TGFBI: variants seen among roughly 807,000 people sequenced by gnomAD.
The protein encoded by TGFBI is transforming growth factor-beta-induced protein ig-h3.
In TGFBI, 50 loss-of-function variants were observed where a neutral mutation model predicts 73.7. The ratio of observed to expected loss-of-function variants is 0.68; its 90% CI spans 0.54 to 0.86. TGFBI has a LOEUF of 0.86. TGFBI is among the 40% of genes least tolerant of loss of function. The pLI, the probability that TGFBI is intolerant of heterozygous loss-of-function variation, is 0.00. For synonymous variants in TGFBI, 362 were observed against 360.5 expected, an observed-to-expected ratio of 1.00 and a Z score of -0.05; for missense variants, 839 against 877.0, an observed-to-expected ratio of 0.96 and a Z score of 0.55.
intron 12 of TGFBI, 99 bp downstream of exon 12, chr5:136,056,894 G>T (rs1408594327): frequency 1.1e-5 from 16 of 1,410,440 alleles, no homozygotes; most frequent in Non-Finnish European, 1.5e-5. Context: ...TGACTTGAAG[G>T]GATTTTATGA....
At chr5:136,046,060 T>C (rs1462082422) in intron 3 of TGFBI, 1 of 306,896 alleles carries the variant, frequency 3.3e-6, no homozygotes, top group African/African-American at 2.1e-5. Context: ...GTTATCTAAA[T>C]GTCTGGGAAC....
rs779237998 is a variant in TGFBI, at chr5:136,052,939, A to G, written c.946A>G (p.Met316Val). 6.2e-7 allele frequency: 1 copy of G among 1,614,002 alleles called. No individual in the cohort carries two copies. ...LLNNHILKSA[M>V]CAEAIVAGLS... ...GAACAACCACATCTTGAAGTCAGCT[A>G]TGTGTGCTGAAGCCATCGTTGCGGG... Residue 316 changes from methionine to valine, a missense_variant, in exon 8 of 17, where the codon ATG (methionine) becomes GTG (valine). Coordinates refer to ENST00000442011, the MANE Select transcript of TGFBI (RefSeq NM_000358.3).
intron 12 of TGFBI, 166 bp from the exon 13 acceptor site, chr5:136,058,924 G>T (rs1254725912): frequency 7.6e-6 from 6 of 794,544 alleles, no homozygotes; most frequent in Non-Finnish European, 1.2e-5. Flanking sequence ...CAGATTGTGG[G>T]TCACAACGTT....
chr5:136,062,723 T>C (rs1751770271), intron 16 of TGFBI, 36 bp downstream of exon 16: 3 of 1,558,000 alleles, frequency 1.9e-6, no homozygotes, highest in Non-Finnish European at 8.7e-7. Flanking sequence ...ATTGCAGACC[T>C]GTTTAGGCCT....
intron 2 of TGFBI, among the ~76,000 whole-genome samples, chr5:136,037,314 A>G (rs937175328): frequency 1.3e-5 from 2 of 152,218 alleles, no homozygotes; most frequent in African/African-American, 4.8e-5. Context: ...AATCAAACAA[A>G]GAGGGCTGTG....
At position 136,037,347 on chromosome 5, in the gene TGFBI, C is replaced by G. The variant is rs559402550; in HGVS notation, c.233+3486C>G. ...GTGGGGAGCAGACAGTCAGCATCCC[C>G]CTCTGTGATTTCAGGCCCTGGTTTG... On this transcript the variant is annotated intron_variant, in intron 2 of 16. Transcript: ENST00000442011. Among the ~76,000 whole-genome samples, 16 of 152,304 alleles carry G rather than the reference C, an allele frequency of 1.1e-4. 1 individual carries two copies. The South Asian group carries it at 3.3e-3, about 32-fold the overall frequency.
intron 11 of TGFBI, 92 bp from the exon 12 acceptor site, chr5:136,056,573 T>C (rs1178258493): frequency 3.2e-6 from 5 of 1,547,134 alleles, no homozygotes; most frequent in Non-Finnish European, 4.4e-6. Context: ...TCCTCAGTGG[T>C]GAGGTATTTA....
Position 136,056,780 on chromosome 5 carries a change from C to G in TGFBI, c.1663C>G (p.Arg555Gly). ...CTTCCGAGCCCTGCCACCAAGAGAA[C>G]GGAGCAGACTCTTGGGTAAAGACCA... The part of the protein sequence containing the change: ...EAFRALPPRE[R>G]SRLLGDAKEL... The change falls in exon 12 of 17, where the codon CGG becomes GGG. Residue 555 changes from arginine (R) to glycine (G), a missense_variant. Transcript: ENST00000442011. 6.2e-7 allele frequency: 1 copy of G among 1,613,726 alleles called. No homozygotes were observed.
intron 7 of TGFBI, among the ~76,000 whole-genome samples, chr5:136,051,377 C>G (rs908272992): frequency 1.3e-5 from 2 of 152,066 alleles, no homozygotes; most frequent in South Asian, 2.1e-4. Flanking sequence ...TTGCAATAAG[C>G]CCAGATCATG....
intron 7 of TGFBI, among the ~76,000 whole-genome samples, chr5:136,051,656 G>A (rs1442893401): frequency 1.3e-5 from 2 of 152,176 alleles, no homozygotes; most frequent in African/African-American, 2.4e-5. Flanking sequence ...CAGGTTGGCA[G>A]GCAGGCAGGC....
At chr5:136,058,834 A>G (rs1340086532) in intron 12 of TGFBI, 2 of 368,168 alleles carry the variant, frequency 5.4e-6, no homozygotes, top group Non-Finnish European at 9.9e-6. Context: ...CCCAGACAGC[A>G]TATTTAACCC....
At chr5:136,038,735 A>T (rs1442296451) in intron 2 of TGFBI, among the ~76,000 whole-genome samples, 1 of 150,188 alleles carries the variant, frequency 6.7e-6, no homozygotes, top group Admixed American at 6.6e-5. Flanking sequence ...AAAAAAAAAG[A>T]GGGAGGCAGT....
chr5:136,050,008 G>A (rs1751506179), intron 7 of TGFBI, among the ~76,000 whole-genome samples: 1 of 152,130 alleles, frequency 6.6e-6, no homozygotes, highest in Non-Finnish European at 1.5e-5. Flanking sequence ...TGTGGCTAGG[G>A]GATTTATGGA....
At position 136,049,472 on chromosome 5, in the gene TGFBI, C is replaced by T. The variant is rs199852470; in HGVS notation, c.805C>T (p.Leu269Phe). The change falls in exon 7 of 17, where the codon CTT becomes TTT. Residue 269 changes from leucine to phenylalanine, a missense_variant. By Grantham distance (22) the Leu-to-Phe change is conservative. Transcript: ENST00000442011. Reference protein sequence around the residue: ...AVAASGLNTMLEGNGQYTLLA... With the variant: ...AVAASGLNTMFEGNGQYTLLA... ...GGCTGCATCAGGGCTCAACACGATG[C>T]TTGAAGGTAACGGCCAGTACACGCT... 9.5e-4 allele frequency: 1,540 copies of T among 1,614,000 alleles called. 19 individuals carry two copies. The South Asian group carries it at 9.7e-3, about 10-fold the overall frequency.
intron 2 of TGFBI, among the ~76,000 whole-genome samples, chr5:136,034,289 G>A (rs1471417587): frequency 6.6e-6 from 1 of 152,004 alleles, no homozygotes; most frequent in Non-Finnish European, 1.5e-5. Context: ...AAAAGACTTA[G>A]AGCACTAAAC....
intron 6 of TGFBI, chr5:136,049,118 AT>A (rs898110785): frequency 3.1e-5 from 8 of 254,538 alleles, no homozygotes; most frequent in African/African-American, 1.8e-4. Context: ...AAGAAATGAT[AT>A]TTTAGTGGAA....
At chr5:136,055,090 T>C (rs1447380548) in intron 10 of TGFBI, 7 of 541,634 alleles carry the variant, frequency 1.3e-5, no homozygotes, top group Middle Eastern at 5.0e-4. Flanking sequence ...ATCCAACCTG[T>C]ATTGTGAAGG....
chr5:136,042,865 T>C (rs1751363511), intron 2 of TGFBI, among the ~76,000 whole-genome samples: 1 of 152,098 alleles, frequency 6.6e-6, no homozygotes, highest in Non-Finnish European at 1.5e-5. Context: ...CGACTCCATT[T>C]AAATGAACAA....
chr5:136,056,396 C>G (rs185285049), intron 11 of TGFBI: 38 of 425,560 alleles, frequency 8.9e-5, no homozygotes, highest in Middle Eastern at 6.8e-4. Flanking sequence ...ATACCTCTGC[C>G]CTTTCTTTTC....
Sources: gnomAD v4.1 joint callset for allele counts (sites outside exome capture counted in the v4.1 genomes callset) on GRCh38, gnomAD v4.1.1 for gene constraint, MANE v1.5 for transcripts, NCBI Gene and HGNC (gene_info 2026-07-23, HGNC 2026-07-21) for gene names.